XIRP2: variants seen among roughly 807,000 people sequenced by gnomAD.
The protein encoded by XIRP2 is xin actin binding repeat containing 2, also known as xin actin-binding repeat-containing protein 2.
XIRP2 carries 236 observed loss-of-function variants against 277.0 expected under a neutral mutation model. That is an observed-to-expected ratio of 0.85 (90% CI 0.77 to 0.95). The LOEUF (loss-of-function observed/expected upper bound fraction) is 0.95, where lower values mean the gene tolerates loss of function less well. Ranked by LOEUF, XIRP2 falls within the 40% of genes least tolerant of loss-of-function variation. The pLI is 0.00. For missense variants in XIRP2, 4,640 were observed against 4,157.5 expected (o/e 1.12, Z -3.19); for synonymous variants, 1,490 against 1,416.5 (o/e 1.05, Z -1.17).
chr2:166,925,310 C>T (rs1206083507), intron 2 of XIRP2, among the ~76,000 whole-genome samples: 1 of 151,866 alleles, frequency 6.6e-6, no homozygotes, highest in East Asian at 1.9e-4. Context: ...ATAAATTCTT[C>T]AAGCCCCTGT....
In XIRP2 at chr2:167,065,262, A is replaced by C. The variant is rs115069592; in HGVS notation, c.409-70647A>C. On this transcript the variant is annotated intron_variant, in intron 2 of 10. Transcript: ENST00000409195. ...TATTTTCTTAATAAATAGTGATATT[A>C]AACATTTTTCCATGGTTCATTGGCC... 2.5e-3 allele frequency among the ~76,000 whole-genome samples: 375 copies of C among 152,016 alleles called. 2 individuals are homozygous for C. Among genetic ancestry groups the C allele is most frequent in the African/African-American group, 8.6e-3 (356 of 41,538 alleles).
rs1323318601 is a variant in XIRP2, at chr2:167,247,270, C to G, written c.5878C>G (p.Gln1960Glu). The G allele has an allele frequency of 9.3e-6, 15 of 1,613,658 alleles. No individual in the cohort carries two copies. Among genetic ancestry groups the G allele is most frequent in the Admixed American group, 1.7e-5 (1 of 59,960 alleles). ...TGTGATGGCAGGATCCTCGGGAGAG[C>G]AGAAAACAGATATTCATCAGGTTGC... ...KAVMAGSSGE[Q>E]KTDIHQVAVQ... The change falls in exon 9 of 11, where the codon CAG (glutamine) becomes GAG (glutamate). Residue 1960 changes from glutamine to glutamate, a missense_variant. By Grantham distance (29) the Gln-to-Glu change is conservative. Transcript: ENST00000409195.
At chr2:167,085,872 C>G (rs1383555602) in intron 2 of XIRP2, among the ~76,000 whole-genome samples, 1 of 152,102 alleles carries the variant, frequency 6.6e-6, no homozygotes, top group African/African-American at 2.4e-5. Flanking sequence ...ATACAGCACA[C>G]TGAAGGGTCT....
At chr2:166,983,885 T>C (rs1346086248) in intron 2 of XIRP2, among the ~76,000 whole-genome samples, 2 of 152,218 alleles carry the variant, frequency 1.3e-5, no homozygotes, top group Non-Finnish European at 2.9e-5. Context: ...GTGCTAATTA[T>C]GCCACATGAA....
At chr2:167,124,756 C>T (rs1426123258) in intron 2 of XIRP2, among the ~76,000 whole-genome samples, 1 of 152,074 alleles carries the variant, frequency 6.6e-6, no homozygotes, top group African/African-American at 2.4e-5. Context: ...CACTTCGACC[C>T]CATGTGAAAG....
At chr2:167,117,045 T>C (rs1298009307) in intron 2 of XIRP2, among the ~76,000 whole-genome samples, 2 of 152,222 alleles carry the variant, frequency 1.3e-5, no homozygotes, top group Non-Finnish European at 2.9e-5. Context: ...GTGAAATATG[T>C]AGAGTTAGAA....
Position 167,218,292 on chromosome 2 carries a change from T to C in XIRP2, c.850T>C (p.Ser284Pro). 2 of 1,562,580 alleles carry C rather than the reference T, an allele frequency of 1.3e-6. No homozygotes were observed. The highest frequency in any genetic ancestry group is 1.7e-6 in the Non-Finnish European group (2 of 1,153,904). Reference sequence around the variant, plus strand: ...ATACCAATATCAACATCAGAACAGATCTGAGCAGGTAATACTACTACAGGT... The same window carrying C: ...ATACCAATATCAACATCAGAACAGACCTGAGCAGGTAATACTACTACAGGT... Reference protein sequence around the residue: ...AQYQYQHQNRSEQEAIHSSQV... With the variant: ...AQYQYQHQNRPEQEAIHSSQV... The change falls in exon 5 of 11, where the codon TCT (serine) becomes CCT (proline). Residue 284 changes from serine to proline, a missense_variant. Physicochemically the swap from Ser to Pro is moderately conservative, Grantham distance 74 (BLOSUM62 -1). Coordinates refer to ENST00000409195, the MANE Select transcript of XIRP2 (RefSeq NM_152381.6).
At position 166,908,672 on chromosome 2, in the gene XIRP2, A is replaced by T. The variant is rs546723215; in HGVS notation, c.408+4782A>T. 2.0e-5 allele frequency among the ~76,000 whole-genome samples: 3 copies of T among 152,256 alleles called. No homozygotes were observed. The East Asian group carries it at 5.8e-4, about 29-fold the overall frequency. ...TTGTTGCCACTGCTTTTGGTGTTTT[A>T]GACATGAAGTCCTTGCCCATGCCTA... On this transcript the variant is annotated intron_variant, in intron 2 of 10. Transcript: ENST00000409195.
intron 3 of XIRP2, among the ~76,000 whole-genome samples, chr2:167,158,886 A>ATAGACG (rs1333753675): frequency 6.6e-6 from 1 of 152,200 alleles, no homozygotes; most frequent in Non-Finnish European, 1.5e-5. Context: ...GATTGGAGTA[A>ATAGACG]TAGACGATTG....
intron 2 of XIRP2, among the ~76,000 whole-genome samples, chr2:167,104,535 T>C (rs1690565792): frequency 6.6e-6 from 1 of 152,146 alleles, no homozygotes; most frequent in Non-Finnish European, 1.5e-5. Flanking sequence ...TGAATGCTTG[T>C]ACTTTATGGT....
intron 3 of XIRP2, among the ~76,000 whole-genome samples, chr2:167,160,431 C>T (rs924435884): frequency 2.0e-5 from 3 of 152,114 alleles, no homozygotes; most frequent in Admixed American, 6.5e-5. Flanking sequence ...TAAAGACATA[C>T]CCGAGACTGG....
In XIRP2 at chr2:167,258,142, G is replaced by C. The variant is rs778394023; in HGVS notation, c.*325G>C. On this transcript the variant is annotated 3_prime_UTR_variant, in exon 11 of 11. Coordinates refer to ENST00000409195, the MANE Select transcript of XIRP2 (RefSeq NM_152381.6). ...ATGATTTGAGAAAATTAGGGGAAAGGGGAAAATTAAAAGTCATTTGGCCTC... is the reference window on the plus strand; with the variant it reads ...ATGATTTGAGAAAATTAGGGGAAAGCGGAAAATTAAAAGTCATTTGGCCTC... 35 of 1,613,054 alleles carry C rather than the reference G, an allele frequency of 2.2e-5. No individual in the cohort carries two copies. Among genetic ancestry groups the C allele is most frequent in the South Asian group, 1.3e-4 (12 of 91,060 alleles).
At chr2:167,010,984 G>A (rs1687660377) in intron 2 of XIRP2, among the ~76,000 whole-genome samples, 1 of 152,024 alleles carries the variant, frequency 6.6e-6, no homozygotes, top group African/African-American at 2.4e-5. Flanking sequence ...GACACAATGG[G>A]GTTTTCTAGA....
At chr2:167,036,488 A>C (rs2195580) in intron 2 of XIRP2, among the ~76,000 whole-genome samples, 57,490 of 151,874 alleles carry the variant, frequency 0.38, 13,104 homozygotes, top group East Asian at 0.62. Flanking sequence ...TGGCCAATTT[A>C]TCCCATTTGG....
At chr2:167,172,292 A>G (rs1692718907) in intron 3 of XIRP2, among the ~76,000 whole-genome samples, 1 of 152,324 alleles carries the variant, frequency 6.6e-6, no homozygotes, top group Admixed American at 6.5e-5. Flanking sequence ...TTCACAAGGT[A>G]ATAAAATATC....
intron 2 of XIRP2, among the ~76,000 whole-genome samples, chr2:167,105,065 C>T (rs747775330): frequency 1.3e-5 from 2 of 151,936 alleles, no homozygotes; most frequent in Middle Eastern, 3.2e-3. Context: ...TAATAATTGT[C>T]AAATGAATTA....
At position 167,249,571 on chromosome 2, in the gene XIRP2, C is replaced by T. The variant is rs1057512366; in HGVS notation, c.8179C>T (p.His2727Tyr). 1.9e-6 allele frequency: 3 copies of T among 1,613,376 alleles called. No homozygotes were observed. The highest frequency in any genetic ancestry group is 2.7e-5 in the African/African-American group (2 of 74,822). The stretch of plus-strand genomic sequence containing the variant: ...AGATCATACATTAAATGAAACAGAC[C>T]ACAGCTATGAAAGTCATAAACAGCA... ...TLDHTLNETD[H>Y]SYESHKQQSE... The change falls in exon 9 of 11, where the codon CAC (histidine) becomes TAC (tyrosine). Residue 2727 changes from histidine to tyrosine, a missense_variant. Transcript: ENST00000409195.
chr2:166,995,701 T>C (rs1449499660), intron 2 of XIRP2, among the ~76,000 whole-genome samples: 2 of 152,208 alleles, frequency 1.3e-5, no homozygotes, highest in Non-Finnish European at 2.9e-5. Context: ...GAAAGTAATT[T>C]TCAAACACAA....
At chr2:166,948,480 G>A (rs987033092) in intron 2 of XIRP2, among the ~76,000 whole-genome samples, 6 of 152,070 alleles carry the variant, frequency 3.9e-5, no homozygotes, top group Admixed American at 3.3e-4. Context: ...GACCCTTGGA[G>A]AAGATACGTC....
Sources: gnomAD v4.1 joint callset for allele counts (sites outside exome capture counted in the v4.1 genomes callset) on GRCh38, gnomAD v4.1.1 for gene constraint, MANE v1.5 for transcripts, NCBI Gene and HGNC (gene_info 2026-07-23, HGNC 2026-07-21) for gene names.